ATXN7L1: variants seen among roughly 807,000 people sequenced by gnomAD.
ATXN7L1 encodes ataxin 7 like 1.
A neutral mutation model predicts 70.8 loss-of-function variants in ATXN7L1; 15 were observed. The observed-to-expected ratio is 0.21, with a 90% CI of 0.14 to 0.33. ATXN7L1 has a LOEUF of 0.33. Ranked by LOEUF, ATXN7L1 falls within the 10% of genes least tolerant of loss-of-function variation. The pLI is 1.00. For synonymous variants in ATXN7L1, 440 were observed against 445.1 expected (o/e 0.99, Z 0.14); for missense variants, 975 against 1,097.1 (o/e 0.89, Z 1.57).
chr7:105,614,071 C>T lies in ATXN7L1; in HGVS notation c.2263G>A (p.Gly755Arg). 1.9e-6 allele frequency: 3 copies of T among 1,551,802 alleles called. No homozygotes were observed. The highest frequency in any genetic ancestry group is 2.6e-6 in the Non-Finnish European group (3 of 1,147,000). The change falls in exon 10 of 12, where the codon GGG becomes AGG. Residue 755 changes from glycine to arginine, a missense_variant. By Grantham distance (125) the Gly-to-Arg change is moderately radical. Transcript: ENST00000419735. The surrounding 1 kb of genome is among the most constrained non-coding windows in gnomAD (Gnocchi z 4.3). ...LSVPSLALHA[G>R]DLSLASHNAV... ...TTGTGTGAGGCCAGAGAGAGGTCCC[C>T]TGCGTGGAGCGCAAGGGAGGGCACA... is the stretch of plus-strand genomic sequence containing the variant.
At chr7:105,870,067 G>A (rs547794372) in intron 2 of ATXN7L1, among the ~76,000 whole-genome samples, 1 of 152,236 alleles carries the variant, frequency 6.6e-6, no homozygotes, top group South Asian at 2.1e-4. Context: ...GGATCACAAA[G>A]TTAGGAGATC....
intron 7 of ATXN7L1, among the ~76,000 whole-genome samples, chr7:105,625,063 A>G (rs951571917): frequency 3.3e-5 from 5 of 152,342 alleles, no homozygotes; most frequent in Non-Finnish European, 5.9e-5. Context: ...GAAGAAATGC[A>G]GTCCTATGCA....
At chr7:105,766,844 C>T (rs553546985) in intron 3 of ATXN7L1, among the ~76,000 whole-genome samples, 5 of 152,312 alleles carry the variant, frequency 3.3e-5, no homozygotes, top group South Asian at 4.1e-4. Flanking sequence ...AACCAGCTTC[C>T]GTGCCAGGAG....
At chr7:105,794,525 T>C (rs182039284) in intron 2 of ATXN7L1, among the ~76,000 whole-genome samples, 2 of 152,368 alleles carry the variant, frequency 1.3e-5, no homozygotes, top group Admixed American at 1.3e-4. Flanking sequence ...TGTCCCCTTC[T>C]AGCATCACTG....
intron 4 of ATXN7L1, chr7:105,649,654 T>A (rs1799571299): frequency 1.2e-6 from 1 of 817,626 alleles, no homozygotes; most frequent in Non-Finnish European, 1.5e-6. Flanking sequence ...AGCTACGCTT[T>A]CCTGGTGATC....
At chr7:105,660,816 C>T (rs1182602941) in intron 4 of ATXN7L1, among the ~76,000 whole-genome samples, 4 of 152,018 alleles carry the variant, frequency 2.6e-5, no homozygotes, top group African/African-American at 4.8e-5. Context: ...CTCCTGACCT[C>T]GTGATCCACC....
intron 11 of ATXN7L1, 47 bp from the exon 12 acceptor site, chr7:105,607,937 G>A (rs1792829932): frequency 6.7e-7 from 1 of 1,498,894 alleles, no homozygotes; most frequent in Non-Finnish European, 9.1e-7. Context: ...ATACAGTTGA[G>A]ATTACCCATG....
chr7:105,807,362 C>G (rs1807761664), intron 2 of ATXN7L1, among the ~76,000 whole-genome samples: 1 of 152,216 alleles, frequency 6.6e-6, no homozygotes, highest in South Asian at 2.1e-4. Context: ...TCAAACTCCA[C>G]TGCACTTCCC....
intron 2 of ATXN7L1, among the ~76,000 whole-genome samples, chr7:105,809,701 T>C (rs1013521083): frequency 2.6e-5 from 4 of 151,924 alleles, no homozygotes; most frequent in Non-Finnish European, 5.9e-5. Context: ...TTTTGATAGA[T>C]GAGGAAACTG....
In ATXN7L1 at chr7:105,643,192, C is replaced by T. The variant is rs149741418; in HGVS notation, c.579-71G>A. The T allele has an allele frequency of 7.6e-5, 107 of 1,404,730 alleles. No individual in the cohort carries two copies. In the East Asian group the frequency reaches 1.8e-3, roughly 23 times the overall value. The allele number at this position is 1,404,730 out of a possible 1,614,324, so 87.0% of individuals were successfully genotyped here. On this transcript the variant is annotated intron_variant, in intron 4 of 11. Transcript: ENST00000419735. ...ATCTAGTCTGCTGAGGAACCATACC[C>T]GCTTATCATTATCAGAACATTTCCT...
intron 7 of ATXN7L1, among the ~76,000 whole-genome samples, chr7:105,627,257 T>C (rs1795835604): frequency 1.3e-5 from 2 of 152,118 alleles, no homozygotes; most frequent in Admixed American, 1.3e-4. Context: ...TTTTTAGAGA[T>C]AGGATCTTGC....
chr7:105,760,667 T>A, intron 3 of ATXN7L1: 1 of 659,498 alleles, frequency 1.5e-6, no homozygotes, highest in Non-Finnish European at 1.9e-6. Context: ...ACACAAGAAA[T>A]ACTTGTTTTC....
chr7:105,716,106 T>A (rs1008206749), intron 3 of ATXN7L1, among the ~76,000 whole-genome samples: 2 of 152,200 alleles, frequency 1.3e-5, no homozygotes, highest in African/African-American at 4.8e-5. Context: ...AGGCCACATC[T>A]GTCCTAAGCC....
chr7:105,619,458 A>C (rs1291581717), intron 9 of ATXN7L1, among the ~76,000 whole-genome samples: 2 of 122,316 alleles, frequency 1.6e-5, no homozygotes, highest in South Asian at 3.0e-4. Flanking sequence ...TGAAATCTTT[A>C]GTTTTGATAT....
chr7:105,629,641 G>GC (rs1175108072), intron 7 of ATXN7L1, among the ~76,000 whole-genome samples: 2 of 136,724 alleles, frequency 1.5e-5, no homozygotes, highest in Non-Finnish European at 1.6e-5. Flanking sequence ...TCAGCCTCCT[G>GC]CGTAGCTGGG....
intron 2 of ATXN7L1, among the ~76,000 whole-genome samples, chr7:105,806,161 G>A (rs1016956541): frequency 1.3e-5 from 2 of 152,116 alleles, no homozygotes; most frequent in Non-Finnish European, 2.9e-5. Context: ...CATGGTGCTA[G>A]AGACTGAACT....
intron 2 of ATXN7L1, among the ~76,000 whole-genome samples, chr7:105,832,726 T>A (rs952204606): frequency 6.6e-6 from 1 of 152,232 alleles, no homozygotes; most frequent in Non-Finnish European, 1.5e-5. Flanking sequence ...ACGGAACTAC[T>A]GATTTCTCTC....
rs1792713202 is a variant in ATXN7L1, at chr7:105,605,303, T to C, written c.*2549A>G. ...GACAAACCCAAAGAGAACCTTTTAT[T>C]TGCATTCCATTTTTCAAGCTGCAAG... On this transcript the variant is annotated 3_prime_UTR_variant, in exon 12 of 12. Coordinates refer to ENST00000419735, the MANE Select transcript of ATXN7L1 (RefSeq NM_020725.2). The C allele has an allele frequency of 6.6e-6, 1 of 152,042 alleles. No individual in the cohort carries two copies. The highest frequency in any genetic ancestry group is 6.6e-5 in the Admixed American group (1 of 15,256). 9.4% of individuals were successfully genotyped at this position (152,042 alleles called of 1,614,324 possible).
Position 105,821,330 on chromosome 7 carries a change from C to T in ATXN7L1, c.251-32622G>A, listed in dbSNP as rs143722878. On this transcript the variant is annotated intron_variant, in intron 2 of 11. Transcript: ENST00000419735. The stretch of plus-strand genomic sequence containing the variant: ...CTGCGATTACAGGCGTGAGCCACCA[C>T]GCCTGGCTGAAACCTCTGTTTTTAT... Among the ~76,000 whole-genome samples the T allele has an allele frequency of 2.4e-3, 358 of 152,312 alleles. 9 individuals are homozygous for T. Among genetic ancestry groups the T allele is most frequent in the Admixed American group, 0.02 (310 of 15,304 alleles).
Sources: gnomAD v4.1 joint callset for allele counts (sites outside exome capture counted in the v4.1 genomes callset) on GRCh38, gnomAD v4.1.1 for gene constraint, Gnocchi (gnomAD v3.1) non-coding constraint, MANE v1.5 for transcripts, NCBI Gene and HGNC (gene_info 2026-07-23, HGNC 2026-07-21) for gene names.